The following AFG2A variants were observed in gnomAD, a reference collection of about 807,000 sequenced individuals.
AFG2A encodes the protein ATPase family gene 2 protein homolog A.
chr4:123,160,489 A>C, the AFG2A span, among the ~76,000 whole-genome samples: 1 of 152,200 alleles, frequency 6.6e-6, no homozygotes, highest in Non-Finnish European at 1.5e-5. Context: ...GTATTCTGTG[A>C]TAACCTGTCA....
the AFG2A span, among the ~76,000 whole-genome samples, chr4:123,002,026 T>A: frequency 1.3e-5 from 2 of 152,206 alleles, no homozygotes; most frequent in Non-Finnish European, 2.9e-5. Flanking sequence ...AGTTAGCTCT[T>A]CTTGTTGAAT....
the AFG2A span, among the ~76,000 whole-genome samples, chr4:123,172,890 A>G: frequency 6.6e-6 from 1 of 152,188 alleles, no homozygotes; most frequent in African/African-American, 2.4e-5. Context: ...GTCTAGGTAC[A>G]GTTTCTGAAG....
chr4:122,988,311 G>A, the AFG2A span, among the ~76,000 whole-genome samples: 3 of 146,904 alleles, frequency 2.0e-5, no homozygotes, highest in African/African-American at 7.5e-5. Flanking sequence ...ATTTAGATTT[G>A]AATCCATAAA....
the AFG2A span, among the ~76,000 whole-genome samples, chr4:123,173,340 G>GTTTTTTTTTTTTTTTTTTTT: frequency 1.4e-5 from 1 of 70,272 alleles, no homozygotes; most frequent in Non-Finnish European, 2.4e-5. Context: ...AAGTCCAATG[G>GTTTTTTTTTTTTTTTTTTTT]TTTTTTTTTT....
chr4:123,077,049 T>G, the AFG2A span, among the ~76,000 whole-genome samples: 1,014 of 48,854 alleles, frequency 0.021, 23 homozygotes, highest in Non-Finnish European at 0.038. Context: ...TGTTGTTGTT[T>G]TTTTTTTTTT....
the AFG2A span, among the ~76,000 whole-genome samples, chr4:123,135,474 T>C: frequency 6.6e-6 from 1 of 152,222 alleles, no homozygotes; most frequent in African/African-American, 2.4e-5. Context: ...TGAAATTATC[T>C]TTGTTTGCTG....
chr4:122,947,092 G>T, the AFG2A span: 1 of 615,622 alleles, frequency 1.6e-6, no homozygotes, highest in Middle Eastern at 4.8e-4. Flanking sequence ...GTAATTGATA[G>T]GTAATGAAAG....
At chr4:123,181,887 T>A in the AFG2A span, among the ~76,000 whole-genome samples, 3 of 152,232 alleles carry the variant, frequency 2.0e-5, no homozygotes, top group African/African-American at 7.2e-5. Context: ...ATACACACTT[T>A]ACTACAGAAA....
chr4:123,237,658 G>A, the AFG2A span, among the ~76,000 whole-genome samples: 3 of 118,636 alleles, frequency 2.5e-5, no homozygotes, highest in Non-Finnish European at 4.9e-5. Flanking sequence ...GGGCGACAGA[G>A]TGAAACCTTG....
At chr4:123,083,931 G>A in the AFG2A span, among the ~76,000 whole-genome samples, 8 of 152,030 alleles carry the variant, frequency 5.3e-5, no homozygotes, top group Non-Finnish European at 1.2e-4. Context: ...ACCAGGAAAC[G>A]ATCTGGGTTT....
chr4:123,047,551 C>T, the AFG2A span, among the ~76,000 whole-genome samples: 1 of 152,038 alleles, frequency 6.6e-6, no homozygotes, highest in African/African-American at 2.4e-5. Context: ...CTTTGCTGTG[C>T]AGACACTGTT....
At chr4:123,091,108 G>A in the AFG2A span, among the ~76,000 whole-genome samples, 1 of 152,210 alleles carries the variant, frequency 6.6e-6, no homozygotes, top group Non-Finnish European at 1.5e-5. Flanking sequence ...GACTCACTGG[G>A]CTAAAGTGTT....
At chr4:123,176,231 G>A in the AFG2A span, among the ~76,000 whole-genome samples, 33 of 152,216 alleles carry the variant, frequency 2.2e-4, no homozygotes, top group African/African-American at 6.0e-4. Flanking sequence ...AATATGCAGC[G>A]GTCTTGTTTT....
the AFG2A span, among the ~76,000 whole-genome samples, chr4:122,966,543 T>G: frequency 9.2e-5 from 14 of 152,204 alleles, no homozygotes; most frequent in African/African-American, 3.4e-4. Context: ...GCTGCCTCTT[T>G]GGCCCCAATT....
chr4:122,967,785 G>C, the AFG2A span, among the ~76,000 whole-genome samples: 1 of 152,044 alleles, frequency 6.6e-6, no homozygotes, highest in Admixed American at 6.6e-5. Context: ...TTATAGGTGT[G>C]AGTCACTGCA....
the AFG2A span, among the ~76,000 whole-genome samples, chr4:123,005,815 G>T: frequency 6.6e-6 from 1 of 152,014 alleles, no homozygotes; most frequent in African/African-American, 2.4e-5. Flanking sequence ...TATTTCTATT[G>T]TTCCCCTCCT....
the AFG2A span, among the ~76,000 whole-genome samples, chr4:122,999,284 T>C: frequency 1.3e-5 from 2 of 148,638 alleles, no homozygotes; most frequent in Non-Finnish European, 2.9e-5. Context: ...TGGTAATTTC[T>C]TTTGCTGTGC....
the AFG2A span, among the ~76,000 whole-genome samples, chr4:122,986,707 G>A: frequency 6.6e-6 from 1 of 152,130 alleles, no homozygotes; most frequent in Admixed American, 6.5e-5. Flanking sequence ...ACTTACTCAT[G>A]TAACCAAATA....
At chr4:123,220,633 A>C in the AFG2A span, among the ~76,000 whole-genome samples, 26 of 147,788 alleles carry the variant, frequency 1.8e-4, 1 homozygote, top group African/African-American at 6.1e-4. Flanking sequence ...AAAAAAAAAA[A>C]AAAACCTGGA....
Sources: gnomAD v4.1 joint callset for allele counts (sites outside exome capture counted in the v4.1 genomes callset) on GRCh38, gnomAD v4.1.1 for gene constraint, MANE v1.5 for transcripts, NCBI Gene and HGNC (gene_info 2026-07-23, HGNC 2026-07-21) for gene names.